Variants in KCNH1 observed in about 807,000 individuals in gnomAD.
KCNH1 encodes voltage-gated delayed rectifier potassium channel KCNH1.
In KCNH1, 27 loss-of-function variants were observed where a neutral mutation model predicts 69.2. The ratio of observed to expected loss-of-function variants is 0.39; its 90% CI spans 0.29 to 0.54. The LOEUF is 0.54. KCNH1 is among the 20% of genes least tolerant of loss of function. The pLI is 0.68. For missense variants in KCNH1, 798 were observed against 1,261.6 expected, an observed-to-expected ratio of 0.63 and a Z score of 5.57; for synonymous variants, 456 against 487.7, an observed-to-expected ratio of 0.93 and a Z score of 0.86.
At chr1:211,015,564 A>G (rs975670872) in intron 6 of KCNH1, among the ~76,000 whole-genome samples, 1 of 152,120 alleles carries the variant, frequency 6.6e-6, no homozygotes, top group East Asian at 1.9e-4. Flanking sequence ...TCACGGTGCT[A>G]GGACTCTTGT....
chr1:211,025,733 G>T (rs1036223769), intron 5 of KCNH1, among the ~76,000 whole-genome samples: 1 of 152,038 alleles, frequency 6.6e-6, no homozygotes, highest in East Asian at 1.9e-4. Flanking sequence ...GGCTTCGACA[G>T]AATCCATGGC....
chr1:211,103,031 A>G (rs1691287540), intron 3 of KCNH1, among the ~76,000 whole-genome samples: 1 of 152,234 alleles, frequency 6.6e-6, no homozygotes, highest in Non-Finnish European at 1.5e-5. Flanking sequence ...ACAAATACAA[A>G]TTAACAATGC....
intron 7 of KCNH1, among the ~76,000 whole-genome samples, chr1:210,857,505 A>G (rs1292093236): frequency 6.6e-6 from 1 of 152,204 alleles, no homozygotes; most frequent in African/African-American, 2.4e-5. Context: ...AGGCTTGAAC[A>G]GAAAGAAGTC....
At chr1:210,841,164 G>A (rs1558492159) in intron 7 of KCNH1, among the ~76,000 whole-genome samples, 1 of 152,120 alleles carries the variant, frequency 6.6e-6, no homozygotes, top group Non-Finnish European at 1.5e-5. Context: ...ACTATTTAAG[G>A]GAATCACTAG....
chr1:210,887,864 C>T (rs1214285535), intron 7 of KCNH1, among the ~76,000 whole-genome samples: 1 of 152,022 alleles, frequency 6.6e-6, no homozygotes, highest in Non-Finnish European at 1.5e-5. Flanking sequence ...AGCTAACTAT[C>T]CTAAATATAT....
In KCNH1 at chr1:210,982,221, T is replaced by TTTATTA. The variant is rs57676423; in HGVS notation, c.1032+36556_1032+36561dup. Among the ~76,000 whole-genome samples the TTTATTA allele has an allele frequency of 2.1e-3, 279 of 131,108 alleles. 1 individual carries two copies. Among genetic ancestry groups the TTTATTA allele is most frequent in the Admixed American group, 2.9e-3 (36 of 12,524 alleles). 86.0% of individuals were successfully genotyped at this position (131,108 alleles called of 152,430 possible). ...GCTACGAAAAGGATGCGAGAATACT[T>TTTATTA]TTATTATTATTATTATTATTATTAT... On this transcript the variant is annotated intron_variant, in intron 6 of 10. Coordinates refer to ENST00000271751, the MANE Select transcript of KCNH1 (RefSeq NM_172362.3).
intron 8 of KCNH1, among the ~76,000 whole-genome samples, chr1:210,801,214 G>T (rs1403511271): frequency 6.6e-6 from 1 of 152,212 alleles, no homozygotes; most frequent in Non-Finnish European, 1.5e-5. Context: ...CTTGGAGAGA[G>T]ACAAGTGATA....
chr1:210,917,227 GAGAGAAAGAAAGAA>G (rs1364090862), intron 7 of KCNH1, among the ~76,000 whole-genome samples: 195 of 77,150 alleles, frequency 2.5e-3, no homozygotes, highest in African/African-American at 7.1e-3. Flanking sequence ...GAGAGAGAGA[GAGAGAAAGAAAGAA>G]AGAAAGAAAG....
chr1:210,969,437 T>A (rs1688471461), intron 6 of KCNH1, among the ~76,000 whole-genome samples: 1 of 152,110 alleles, frequency 6.6e-6, no homozygotes, highest in Non-Finnish European at 1.5e-5. Flanking sequence ...ATTTTCTTCA[T>A]TAGAAGTTAT....
At chr1:210,839,316 A>C (rs2102450937) in intron 7 of KCNH1, among the ~76,000 whole-genome samples, 1 of 152,288 alleles carries the variant, frequency 6.6e-6, no homozygotes, top group African/African-American at 2.4e-5. Context: ...GGAACAGAAA[A>C]CCAAATACTA....
intron 6 of KCNH1, among the ~76,000 whole-genome samples, chr1:210,934,393 G>A (rs899084298): frequency 2.6e-5 from 4 of 152,164 alleles, no homozygotes; most frequent in East Asian, 1.9e-4. Context: ...GGTGGCTCAC[G>A]TCTGTAATTC....
intron 7 of KCNH1, among the ~76,000 whole-genome samples, chr1:210,845,108 T>C (rs1055386261): frequency 3.3e-5 from 5 of 152,054 alleles, no homozygotes; most frequent in African/African-American, 1.2e-4. Flanking sequence ...CCAAAAAAAG[T>C]CCAGGACCAG....
At chr1:210,933,668 C>T (rs889048473) in intron 6 of KCNH1, among the ~76,000 whole-genome samples, 2 of 151,658 alleles carry the variant, frequency 1.3e-5, no homozygotes, top group African/African-American at 2.4e-5. Context: ...AGAGATAAGA[C>T]CCAAGTAAAT....
At chr1:211,030,228 T>C (rs541972425) in intron 5 of KCNH1, among the ~76,000 whole-genome samples, 37 of 152,284 alleles carry the variant, frequency 2.4e-4, no homozygotes, top group African/African-American at 8.9e-4. Context: ...AATAAAGTGG[T>C]TCAAACTCAT....
At chr1:210,982,143 T>A (rs1477003293) in intron 6 of KCNH1, among the ~76,000 whole-genome samples, 1 of 152,090 alleles carries the variant, frequency 6.6e-6, no homozygotes, top group Non-Finnish European at 1.5e-5. Flanking sequence ...TCTTCTCTTT[T>A]CATAAAATTT....
At chr1:210,782,850 A>C (rs902078796) in intron 9 of KCNH1, among the ~76,000 whole-genome samples, 3 of 152,254 alleles carry the variant, frequency 2.0e-5, no homozygotes, top group African/African-American at 7.2e-5. Flanking sequence ...GAACCCTCAC[A>C]GGACACCAAA....
intron 6 of KCNH1, among the ~76,000 whole-genome samples, chr1:210,987,261 C>T (rs1355058033): frequency 6.6e-6 from 1 of 152,166 alleles, no homozygotes; most frequent in Non-Finnish European, 1.5e-5. Context: ...GTTTGATCAT[C>T]TGAAGCCTTC....
intron 7 of KCNH1, among the ~76,000 whole-genome samples, chr1:210,808,061 T>A (rs754099799): frequency 6.6e-6 from 1 of 152,158 alleles, no homozygotes; most frequent in African/African-American, 2.4e-5. Context: ...GAAGGTCCTG[T>A]CTCCTCCATG....
At chr1:211,075,416 G>A (rs986258328) in intron 5 of KCNH1, among the ~76,000 whole-genome samples, 1 of 152,190 alleles carries the variant, frequency 6.6e-6, no homozygotes, top group Non-Finnish European at 1.5e-5. Context: ...CTCCACTAGA[G>A]GTATGGAACT....
Sources: gnomAD v4.1 joint callset for allele counts (sites outside exome capture counted in the v4.1 genomes callset) on GRCh38, gnomAD v4.1.1 for gene constraint, MANE v1.5 for transcripts, NCBI Gene and HGNC (gene_info 2026-07-23, HGNC 2026-07-21) for gene names.